LRRC37A2: variants seen among roughly 807,000 people sequenced by gnomAD.
LRRC37A2 encodes the protein leucine rich repeat containing 37 member A2.
LRRC37A2 carries 9 observed loss-of-function variants against 68.8 expected under a neutral mutation model. The observed-to-expected ratio is 0.13, with a 90% CI of 0.08 to 0.23. The LOEUF (loss-of-function observed/expected upper bound fraction) is 0.23, where lower values mean the gene tolerates loss of function less well. LRRC37A2 is among the 10% of genes least tolerant of loss of function. LRRC37A2 has a pLI of 1.00. For synonymous variants in LRRC37A2, 63 were observed against 367.6 expected, an observed-to-expected ratio of 0.17 and a Z score of 9.48; for missense variants, 168 against 950.4, an observed-to-expected ratio of 0.18 and a Z score of 10.82.
At chr17:46,709,348 A>C in the LRRC37A2 span, among the ~76,000 whole-genome samples, 1 of 152,220 alleles carries the variant, frequency 6.6e-6, no homozygotes, top group African/African-American at 2.4e-5. Context: ...GATAAAAAAA[A>C]AATGAAATTA....
the LRRC37A2 span, among the ~76,000 whole-genome samples, chr17:46,801,283 A>G: frequency 6.6e-6 from 1 of 152,330 alleles, no homozygotes; most frequent in Admixed American, 6.5e-5. Flanking sequence ...ACAACAACAC[A>G]GTCATATCTG....
chr17:47,044,785 G>T, the LRRC37A2 span, among the ~76,000 whole-genome samples: 1 of 149,958 alleles, frequency 6.7e-6, no homozygotes, highest in Non-Finnish European at 1.5e-5. Flanking sequence ...GCCAAAGAGA[G>T]AGGGTGGCTT....
At chr17:46,997,527 T>G in the LRRC37A2 span, among the ~76,000 whole-genome samples, 1 of 152,160 alleles carries the variant, frequency 6.6e-6, no homozygotes, top group Non-Finnish European at 1.5e-5. Context: ...AAACTCAAAA[T>G]CTTAATCTGA....
At chr17:46,926,322 T>C in the LRRC37A2 span, among the ~76,000 whole-genome samples, 9 of 152,196 alleles carry the variant, frequency 5.9e-5, no homozygotes, top group African/African-American at 2.2e-4. Context: ...AGCGTTTTCA[T>C]GTTCATCATG....
At chr17:47,000,076 A>AAT in the LRRC37A2 span, among the ~76,000 whole-genome samples, 89 of 25,524 alleles carry the variant, frequency 3.5e-3, 7 homozygotes, top group South Asian at 0.015. Context: ...AAATAAAATA[A>AAT]AAAATAAAAT....
At chr17:46,911,700 T>C in the LRRC37A2 span, among the ~76,000 whole-genome samples, 12 of 152,062 alleles carry the variant, frequency 7.9e-5, no homozygotes, top group African/African-American at 2.9e-4. Flanking sequence ...CTGGCCAACA[T>C]GGTAAAACCC....
chr17:46,962,386 G>A, the LRRC37A2 span, among the ~76,000 whole-genome samples: 2 of 151,310 alleles, frequency 1.3e-5, no homozygotes, highest in Non-Finnish European at 2.9e-5. Context: ...TACCCCCAAT[G>A]AACCATGCCT....
chr17:47,009,169 C>T, the LRRC37A2 span, among the ~76,000 whole-genome samples: 1 of 151,812 alleles, frequency 6.6e-6, no homozygotes, highest in African/African-American at 2.4e-5. Flanking sequence ...TGATCTTTGA[C>T]ATTTTGCTAA....
the LRRC37A2 span, among the ~76,000 whole-genome samples, chr17:46,897,106 G>A: frequency 5.9e-5 from 9 of 152,272 alleles, no homozygotes; most frequent in Middle Eastern, 3.4e-3. Flanking sequence ...TGCTGCGACC[G>A]CTCGAGTACC....
At chr17:46,846,327 G>C in the LRRC37A2 span, among the ~76,000 whole-genome samples, 2 of 152,302 alleles carry the variant, frequency 1.3e-5, no homozygotes, top group East Asian at 3.9e-4. Flanking sequence ...CATTAATTCA[G>C]TTATTTAACA....
chr17:46,710,990 G>T, the LRRC37A2 span: 3 of 1,594,630 alleles, frequency 1.9e-6, no homozygotes, highest in South Asian at 1.2e-5. Context: ...AGAAGATTAT[G>T]CAAGTTACAT....
chr17:46,875,175 G>T, the LRRC37A2 span: 1 of 1,614,016 alleles, frequency 6.2e-7, no homozygotes, highest in African/African-American at 1.3e-5. Context: ...GGCCTGCAGC[G>T]CTGGGCGCAT....
chr17:46,395,513 CAA>C, the LRRC37A2 span, among the ~76,000 whole-genome samples: 2 of 3,580 alleles, frequency 5.6e-4, no homozygotes, highest in Admixed American at 0.011. Flanking sequence ...CTTGTTTCTA[CAA>C]AAAAAAAAAA....
At chr17:46,534,307 C>A (rs1186677101) in intron 6 of LRRC37A2, among the ~76,000 whole-genome samples, 1 of 141,682 alleles carries the variant, frequency 7.1e-6, no homozygotes, top group Non-Finnish European at 1.5e-5. Flanking sequence ...AACAAGTGAA[C>A]AAAGGTCTCT....
At chr17:46,991,433 C>T in the LRRC37A2 span, among the ~76,000 whole-genome samples, 3 of 151,956 alleles carry the variant, frequency 2.0e-5, no homozygotes, top group Admixed American at 6.6e-5. Context: ...TCGAGACCAG[C>T]CTGGCCAACA....
the LRRC37A2 span, among the ~76,000 whole-genome samples, chr17:46,384,342 CTT>C: frequency 1.1e-4 from 8 of 73,220 alleles, 1 homozygote; most frequent in African/African-American, 3.1e-4. Flanking sequence ...AATCCTAGCA[CTT>C]TGGGAGGCTG....
the LRRC37A2 span, chr17:46,978,510 G>A: frequency 1.9e-6 from 2 of 1,068,394 alleles, no homozygotes; most frequent in Non-Finnish European, 2.6e-6. Context: ...CAGTCTCGCC[G>A]CGTCCCCGCC....
At chr17:46,781,272 C>T in the LRRC37A2 span, among the ~76,000 whole-genome samples, 2 of 150,960 alleles carry the variant, frequency 1.3e-5, no homozygotes, top group Admixed American at 6.6e-5. Context: ...GCTTCTGATG[C>T]AAGCTACAAC....
the LRRC37A2 span, among the ~76,000 whole-genome samples, chr17:46,904,406 A>G: frequency 7.4e-6 from 1 of 135,500 alleles, no homozygotes; most frequent in Non-Finnish European, 1.6e-5. Flanking sequence ...AAATGGATGG[A>G]TGGGTTGGTG....
Sources: allele counts gnomAD v4.1 joint callset (sites outside exome capture counted in the v4.1 genomes callset), GRCh38; gene constraint gnomAD v4.1.1; transcripts MANE v1.5; gene names NCBI Gene and HGNC (gene_info 2026-07-23, HGNC 2026-07-21).